The following KMT2D variants were observed in gnomAD, a reference collection of about 807,000 sequenced individuals.
The protein encoded by KMT2D is lysine methyltransferase 2D.
In KMT2D, 55 loss-of-function variants were observed where a neutral mutation model predicts 512.7. The ratio of observed to expected loss-of-function variants is 0.11; its 90% confidence interval spans 0.09 to 0.13. The LOEUF (loss-of-function observed/expected upper bound fraction) is 0.13, where lower values mean the gene tolerates loss of function less well. Ranked by LOEUF, KMT2D falls within the 10% of genes least tolerant of loss-of-function variation. KMT2D has a pLI of 1.00. For missense variants in KMT2D, 6,061 were observed against 7,127.9 expected (o/e 0.85, Z 5.39); for synonymous variants, 2,995 against 2,904.0 (o/e 1.03, Z -1.01).
Position 49,043,755 on chromosome 12 carries a change from C to A in KMT2D, c.5347G>T (p.Asp1783Tyr), listed in dbSNP as rs2120572834. The part of the protein sequence containing the change: ...QEAFFGKELL[D>Y]LSRKALFAVG... ...GCAAAAAGGGCCTTACGGCTCAGGT[C>A]CAGCAGCTCCTTCCCAAAGAAGGCT... The change falls in exon 24 of 55, where the codon GAC (aspartate) becomes TAC (tyrosine). Residue 1783 changes from aspartate (D) to tyrosine (Y), a missense_variant. This residue lies in a region of KMT2D where 640 missense variants were observed against 814.3 expected (regional missense o/e 0.79). Coordinates refer to ENST00000301067, the MANE Select transcript of KMT2D (RefSeq NM_003482.4). 6.2e-7 allele frequency: 1 copy of A among 1,613,060 alleles called. No individual in the cohort carries two copies.
At position 49,032,809 on chromosome 12, in the gene KMT2D, A is replaced by ACTG. The variant is rs1371017743; in HGVS notation, c.11893_11895dup (p.Gln3965dup). ...TGCTGCTGTTGCTGCTGCTGTTGAA[A>ACTG]CTGCTGCTGTTGTTGTTGCTGTTGC... On this transcript the variant is annotated inframe_insertion, in exon 40 of 55. Coordinates refer to ENST00000301067, the MANE Select transcript of KMT2D (RefSeq NM_003482.4). 1 of 1,550,418 alleles carries ACTG rather than the reference A, an allele frequency of 6.4e-7. No individual in the cohort carries two copies.
In KMT2D at chr12:49,042,028, A is replaced by G. The variant is rs1046375367; in HGVS notation, c.6110-38T>C. The G allele has an allele frequency of 1.9e-6, 3 of 1,611,688 alleles. No individual in the cohort carries two copies. In the African/African-American group the frequency reaches 4.0e-5, roughly 22 times the overall value. ...GAGAGTGAGTCAGAGAAGACTTGGCAGGCGACTCCTCCACCTGCCATGTTG... is the reference window on the plus strand; with the variant it reads ...GAGAGTGAGTCAGAGAAGACTTGGCGGGCGACTCCTCCACCTGCCATGTTG... On this transcript the variant is annotated intron_variant, in intron 29 of 54. Transcript: ENST00000301067. The surrounding 1 kb of genome is among the most constrained non-coding windows in gnomAD (Gnocchi z 4.4).
At position 49,042,397 on chromosome 12, in the gene KMT2D, A is replaced by G. The variant is rs1943582304; in HGVS notation, c.5868-67T>C. On this transcript the variant is annotated intron_variant, in intron 28 of 54. Transcript: ENST00000301067. This position sits in a 1 kb window ranked among gnomAD's most constrained non-coding sequence, Gnocchi z 4.4. The stretch of plus-strand genomic sequence containing the variant: ...AAGTCCCACCCCAGACAAACTGCCT[A>G]GAGCCCCAGGCCACTGCCCTGCCCC... 3 of 1,492,838 alleles carry G rather than the reference A, an allele frequency of 2.0e-6. No homozygotes were observed. Among genetic ancestry groups the G allele is most frequent in the Middle Eastern group, 2.3e-4 (1 of 4,364 alleles). The allele number at this position is 1,492,838 out of a possible 1,614,324, so 92.5% of individuals were successfully genotyped here.
Position 49,039,660 on chromosome 12 carries a change from A to C in KMT2D, c.8047-43T>G. On this transcript the variant is annotated intron_variant, in intron 32 of 54. Transcript: ENST00000301067. The surrounding 1 kb of genome is among the most constrained non-coding windows in gnomAD (Gnocchi z 5.0). ...AAGAGGAATAAGCCCATTCTACTCC[A>C]ATCATAGGGCTGCCCCAGAGACAGG... 2 of 1,602,906 alleles carry C rather than the reference A, an allele frequency of 1.2e-6. No individual in the cohort carries two copies. The highest frequency in any genetic ancestry group is 2.2e-5 in the East Asian group (1 of 44,738).
chr12:49,059,774 CA>C lies in KMT2D; in HGVS notation c.-200del, dbSNP rs959071440. The stretch of plus-strand genomic sequence containing the variant: ...CAGGTCGGAGTGGCCACCCTCCCCC[CA>C]CAAAAAAACAGCAAGAAGCCAAAGA... On this transcript the variant is annotated 5_prime_UTR_variant, in exon 1 of 55. Coordinates refer to ENST00000301067, the MANE Select transcript of KMT2D (RefSeq NM_003482.4). 1.3e-5 allele frequency: 2 copies of C among 152,132 alleles called. No individual in the cohort carries two copies. Among genetic ancestry groups the C allele is most frequent in the African/African-American group, 4.8e-5 (2 of 41,408 alleles). The allele number at this position is 152,132 out of a possible 1,614,324, so 9.4% of individuals were successfully genotyped here.
At chr12:49,049,304 G>A (rs942579435) in intron 12 of KMT2D, 86 bp from the exon 13 acceptor site, 12 of 870,812 alleles carry the variant, frequency 1.4e-5, no homozygotes, top group South Asian at 1.0e-4. Context: ...AGTGACAAAC[G>A]GACAGAGTAA....
chr12:49,051,749 G>A lies in KMT2D; in HGVS notation c.1934C>T (p.Ser645Phe), dbSNP rs757784071. 2.2e-6 allele frequency: 3 copies of A among 1,379,470 alleles called. No individual in the cohort carries two copies. The highest frequency in any genetic ancestry group is 3.0e-5 in the African/African-American group (2 of 66,660). The allele number at this position is 1,379,470 out of a possible 1,614,324, so 85.5% of individuals were successfully genotyped here. Residue 645 changes from serine (S) to phenylalanine (F), a missense_variant, in exon 11 of 55, where the codon TCC becomes TTC. Around this residue, in one of 16 missense-constraint regions of KMT2D, gnomAD observed 848 missense variants for 838.5 expected, o/e 1.01. Coordinates refer to ENST00000301067, the MANE Select transcript of KMT2D (RefSeq NM_003482.4). ...MSPPPEESPMSPPPEVSRLSP... is the reference protein window; with the variant it reads ...MSPPPEESPMFPPPEVSRLSP... ...TAGGCGCGATACCTCAGGTGGGGGGGACATAGGTGATTCTTCAGGTGGTGG... is the reference window on the plus strand; with the variant it reads ...TAGGCGCGATACCTCAGGTGGGGGGAACATAGGTGATTCTTCAGGTGGTGG...
Position 49,044,068 on chromosome 12 carries a change from T to A in KMT2D, c.5189-70A>T. ...GCTCCCAACTTGCAGGGTGACACTT[T>A]GTGCCTACTCTCTCCCACAACACCA... On this transcript the variant is annotated intron_variant, in intron 22 of 54. Coordinates refer to ENST00000301067, the MANE Select transcript of KMT2D (RefSeq NM_003482.4). This position sits in a 1 kb window ranked among gnomAD's most constrained non-coding sequence, Gnocchi z 6.4. 1 of 1,604,372 alleles carries A rather than the reference T, an allele frequency of 6.2e-7. No homozygotes were observed. Among genetic ancestry groups the A allele is most frequent in the Non-Finnish European group, 8.5e-7 (1 of 1,174,756 alleles).
Position 49,054,875 on chromosome 12 carries a change from C to T in KMT2D, c.176+25G>A, listed in dbSNP as rs1430816978. The T allele has an allele frequency of 2.5e-6, 4 of 1,608,776 alleles. No individual in the cohort carries two copies. The highest frequency in any genetic ancestry group is 1.7e-4 in the Middle Eastern group (1 of 6,042). ...CCTTGAAAGCCCTAGACTCTCAAAT[C>T]CTCATGTGCCCTCAAACAAGCTACC... On this transcript the variant is annotated intron_variant, in intron 3 of 54. Coordinates refer to ENST00000301067, the MANE Select transcript of KMT2D (RefSeq NM_003482.4). This position sits in a 1 kb window ranked among gnomAD's most constrained non-coding sequence, Gnocchi z 6.4.
Position 49,042,690 on chromosome 12 carries a change from T to A in KMT2D, c.5783-45A>T, listed in dbSNP as rs1451090358. 8 of 1,609,330 alleles carry A rather than the reference T, an allele frequency of 5.0e-6. 1 individual carries two copies. The highest frequency in any genetic ancestry group is 2.2e-5 in the South Asian group (2 of 90,892). ...AGAGAAAAGAGCAACTGGCCCATCC[T>A]GGAGGCAAGCTTGGTTATGTCAGTC... On this transcript the variant is annotated intron_variant, in intron 27 of 54. Coordinates refer to ENST00000301067, the MANE Select transcript of KMT2D (RefSeq NM_003482.4). This position sits in a 1 kb window ranked among gnomAD's most constrained non-coding sequence, Gnocchi z 4.4.
At position 49,043,657 on chromosome 12, in the gene KMT2D, C is replaced by T. The variant is rs747945661; in HGVS notation, c.5445G>A (p.Lys1815=). The change falls in exon 24 of 55, where the codon AAG becomes AAA. Residue 1815 remains lysine, a synonymous_variant. Coordinates refer to ENST00000301067, the MANE Select transcript of KMT2D (RefSeq NM_003482.4). ...KAKGDGGSER[K]ELPTSQKGDD... ...AACCTTTCTGCGATGTGGGGAGTTCCTTCCTTTCTGAGCCTCCATCTCCCT... is the reference window on the plus strand; with the variant it reads ...AACCTTTCTGCGATGTGGGGAGTTCTTTCCTTTCTGAGCCTCCATCTCCCT... 6.2e-7 allele frequency: 1 copy of T among 1,614,032 alleles called. No individual in the cohort carries two copies. Among genetic ancestry groups the T allele is most frequent in the South Asian group, 1.1e-5 (1 of 91,086 alleles).
rs1565779523 is a variant in KMT2D, at chr12:49,033,656, C to T, written c.11049G>A (p.Gln3683=). 3.1e-6 allele frequency: 5 copies of T among 1,613,750 alleles called. No individual in the cohort carries two copies. The highest frequency in any genetic ancestry group is 2.5e-6 in the Non-Finnish European group (3 of 1,179,884). ...LNTALAQQQQ[Q]QHSGGAGSLA... is the part of the protein sequence containing the mutation. The stretch of plus-strand genomic sequence containing the variant: ...GGGATCCAGCCCCACCAGAATGTTG[C>T]TGTTGCTGCTGTTGGGCCAGAGCTG... Residue 3683 remains glutamine (Q), a synonymous_variant, in exon 40 of 55, where the codon CAG becomes CAA. Coordinates refer to ENST00000301067, the MANE Select transcript of KMT2D (RefSeq NM_003482.4).
intron 13 of KMT2D, 57 bp from the exon 14 acceptor site, chr12:49,048,826 C>T (rs759710927): frequency 5.9e-6 from 7 of 1,188,390 alleles, no homozygotes; most frequent in Non-Finnish European, 8.6e-6. Flanking sequence ...CACCAAGCTA[C>T]TTTCCTCTTT....
chr12:49,026,154 T>C lies in KMT2D; in HGVS notation c.15784+28A>G, dbSNP rs1942573874. The C allele has an allele frequency of 3.3e-6, 5 of 1,532,664 alleles. No individual in the cohort carries two copies. Among genetic ancestry groups the C allele is most frequent in the African/African-American group, 1.4e-5 (1 of 72,412 alleles). The allele number at this position is 1,532,664 out of a possible 1,614,324, so 94.9% of individuals were successfully genotyped here. On this transcript the variant is annotated intron_variant, in intron 49 of 54. Coordinates refer to ENST00000301067, the MANE Select transcript of KMT2D (RefSeq NM_003482.4). This position sits in a 1 kb window ranked among gnomAD's most constrained non-coding sequence, Gnocchi z 9.6. ...TGGGAGAAACTTTTCCCATTCCATA[T>C]TATCCATTTCAAGGGCCCACTGCTC...
In KMT2D at chr12:49,044,008, G is replaced by A. The variant is rs2120577254; in HGVS notation, c.5189-10C>T. 3.7e-6 allele frequency: 6 copies of A among 1,613,716 alleles called. No individual in the cohort carries two copies. The South Asian group carries it at 6.6e-5, about 18-fold the overall frequency. On this transcript the variant is annotated splice_polypyrimidine_tract_variant and intron_variant, in intron 22 of 54. Coordinates refer to ENST00000301067, the MANE Select transcript of KMT2D (RefSeq NM_003482.4). The surrounding 1 kb of genome is among the most constrained non-coding windows in gnomAD (Gnocchi z 6.4). Reference sequence around the variant, plus strand: ...AGGTCAGCAGGTATCACTGTGGACAGAACGGAAGTGTCAGACTCGGGTTGA... The same window carrying A: ...AGGTCAGCAGGTATCACTGTGGACAAAACGGAAGTGTCAGACTCGGGTTGA...
In KMT2D at chr12:49,027,920, T is replaced by C. The variant is rs1356245288; in HGVS notation, c.14526A>G (p.Glu4842=). The C allele has an allele frequency of 5.0e-6, 8 of 1,613,988 alleles. No individual in the cohort carries two copies. The South Asian group carries it at 7.7e-5, about 16-fold the overall frequency. The change falls in exon 48 of 55, where the codon GAA becomes GAG. Residue 4842 remains glutamate (E), a synonymous_variant. Transcript: ENST00000301067. ...KGEAEGPGGK[E]KGLEGKSPDT... ...CTGGGCTCTTGCCTTCCAGACCCTTTTCCTTCCCACCTGCAGAAAGGAGTG... is the reference window on the plus strand; with the variant it reads ...CTGGGCTCTTGCCTTCCAGACCCTTCTCCTTCCCACCTGCAGAAAGGAGTG...
In KMT2D at chr12:49,034,822, C is replaced by T. The variant is rs1943137541; in HGVS notation, c.10345G>A (p.Gly3449Ser). ...AGCCCTGAGTCTTACCTGTTCATAC[C>T]AGGTGCCACCCCAATGCTGCCCTGA... is the stretch of plus-strand genomic sequence containing the variant. ...MAQGSIGVAP[G>S]MNRQQVSLLA... The change falls in exon 36 of 55, where the codon GGT becomes AGT. Residue 3449 changes from glycine to serine, a missense_variant. Gly to Ser is a moderately conservative substitution (Grantham distance 56, BLOSUM62 0). Coordinates refer to ENST00000301067, the MANE Select transcript of KMT2D (RefSeq NM_003482.4). 6.2e-7 allele frequency: 1 copy of T among 1,613,950 alleles called. No homozygotes were observed.
Position 49,037,344 on chromosome 12 carries a change from C to A in KMT2D, c.10012G>T (p.Ala3338Ser), listed in dbSNP as rs2120477566. The A allele has an allele frequency of 6.2e-7, 1 of 1,611,804 alleles. No individual in the cohort carries two copies. Among genetic ancestry groups the A allele is most frequent in the Non-Finnish European group, 8.5e-7 (1 of 1,179,124 alleles). ...PLMPTQPPAH[A>S]LQQRLAPSMA... ...GATGGAGCCAGGCGTTGCTGGAGGG[C>A]ATGAGCTGGTGGCTGGGTGGGCATC... Residue 3338 changes from alanine to serine, a missense_variant, in exon 35 of 55, where the codon GCC becomes TCC. Ala to Ser is a moderately conservative substitution (Grantham distance 99). Around this residue, in one of 16 missense-constraint regions of KMT2D, gnomAD observed 533 missense variants for 539.6 expected, o/e 0.99. Coordinates refer to ENST00000301067, the MANE Select transcript of KMT2D (RefSeq NM_003482.4).
Position 49,021,609 on chromosome 12 carries a change from TG to T in KMT2D, c.*170del. ...AGAGGATTGTCCCTGGTGCCCAGGG[TG>T]GGCTTGGCCTAGGGCCCTCTGCCCC... On this transcript the variant is annotated 3_prime_UTR_variant, in exon 55 of 55. Transcript: ENST00000301067. 2 of 594,322 alleles carry T rather than the reference TG, an allele frequency of 3.4e-6. No individual in the cohort carries two copies. The highest frequency in any genetic ancestry group is 2.2e-5 in the South Asian group (1 of 45,824). The allele number at this position is 594,322 out of a possible 1,614,324, so 36.8% of individuals were successfully genotyped here. A position where few individuals can be genotyped will look rare whatever the true frequency, so the allele number is the denominator to read the frequency against.
Sources: gnomAD v4.1 joint callset for allele counts on GRCh38, gnomAD v4.1.1 for gene constraint, gnomAD v4.1.1 regional missense constraint, Gnocchi (gnomAD v3.1) non-coding constraint, MANE v1.5 for transcripts, NCBI Gene and HGNC (gene_info 2026-07-23, HGNC 2026-07-21) for gene names.